Variants in PAPSS2 observed in about 807,000 individuals in gnomAD.
PAPSS2 encodes the protein 3'-phosphoadenosine 5'-phosphosulfate synthase 2, also known as bifunctional 3'-phosphoadenosine 5'-phosphosulfate synthase 2.
PAPSS2 carries 61 observed loss-of-function variants against 66.5 expected under a neutral mutation model. That is an observed-to-expected ratio of 0.92 (90% confidence interval 0.75 to 1.14). The LOEUF is 1.14. Among genes scored for constraint, PAPSS2 ranks in the 50% most tolerant of loss-of-function variants. The probability of loss-of-function intolerance (pLI) is 0.00; values close to 1 mark genes in which losing one functional copy is unlikely to be tolerated. For missense variants in PAPSS2, 708 were observed against 789.6 expected (o/e 0.90, Z 1.24); for synonymous variants, 289 against 287.5 (o/e 1.01, Z -0.05).
chr10:87,729,711 T>C (rs1479749741), intron 9 of PAPSS2, among the ~76,000 whole-genome samples: 4 of 152,146 alleles, frequency 2.6e-5, no homozygotes, highest in South Asian at 4.1e-4. Flanking sequence ...AAAGCTGAAA[T>C]TGGACCCAGG....
chr10:87,727,030 C>T (rs1360479908), intron 8 of PAPSS2, among the ~76,000 whole-genome samples: 3 of 152,208 alleles, frequency 2.0e-5, no homozygotes, highest in South Asian at 4.1e-4. Flanking sequence ...AGTTAGATCA[C>T]TTATGGAGGC....
intron 1 of PAPSS2, among the ~76,000 whole-genome samples, chr10:87,666,868 T>A (rs1852821895): frequency 6.6e-6 from 1 of 152,038 alleles, no homozygotes; most frequent in Admixed American, 6.6e-5. Flanking sequence ...CTCTGGGGGC[T>A]GCTGAAACCC....
intron 9 of PAPSS2, among the ~76,000 whole-genome samples, chr10:87,730,164 GC>G (rs1564726261): frequency 6.6e-6 from 1 of 152,166 alleles, no homozygotes; most frequent in African/African-American, 2.4e-5. Context: ...CTTCCCCTTT[GC>G]CCCCTGAAGT....
At chr10:87,709,094 T>A in intron 1 of PAPSS2, 102 bp from the exon 2 acceptor site, 1 of 744,684 alleles carries the variant, frequency 1.3e-6, no homozygotes, top group South Asian at 1.4e-5. Flanking sequence ...GTTACATGTA[T>A]CAGTTTCGCA....
At chr10:87,706,603 A>C (rs1413165941) in intron 1 of PAPSS2, among the ~76,000 whole-genome samples, 2 of 151,752 alleles carry the variant, frequency 1.3e-5, no homozygotes, top group Admixed American at 1.3e-4. Flanking sequence ...CAAAAAAAAA[A>C]AAAAAATTAA....
chr10:87,661,456 CTAAA>C (rs1431400461), intron 1 of PAPSS2, among the ~76,000 whole-genome samples: 4 of 152,074 alleles, frequency 2.6e-5, no homozygotes, highest in African/African-American at 7.2e-5. Flanking sequence ...CTGTAAAATC[CTAAA>C]TAGTGTCTTC....
intron 7 of PAPSS2, among the ~76,000 whole-genome samples, chr10:87,719,728 T>C (rs1047852203): frequency 2.0e-4 from 30 of 152,264 alleles, no homozygotes; most frequent in African/African-American, 7.2e-4. Flanking sequence ...GTGCCCCCCA[T>C]GTGCCAGGGT....
In PAPSS2 at chr10:87,745,024, G is replaced by C. The variant is rs200426784; in HGVS notation, c.1514G>C (p.Arg505Pro). The change falls in exon 12 of 13, where the codon CGG (arginine) becomes CCG (proline). Residue 505 changes from arginine (R) to proline (P), a missense_variant. Transcript: ENST00000456849. ...PTEVQWHCRS[R>P]MIAGANFYIV... Reference sequence around the variant, plus strand: ...TAGGTCCAGTGGCACTGCAGGTCCCGGATGATTGCGGGTGCCAATTTCTAC... The same window carrying C: ...TAGGTCCAGTGGCACTGCAGGTCCCCGATGATTGCGGGTGCCAATTTCTAC... The C allele has an allele frequency of 6.2e-7, 1 of 1,614,062 alleles. No individual in the cohort carries two copies. Among genetic ancestry groups the C allele is most frequent in the Non-Finnish European group, 8.5e-7 (1 of 1,179,966 alleles).
At chr10:87,672,469 A>C (rs956759386) in intron 1 of PAPSS2, among the ~76,000 whole-genome samples, 2 of 152,014 alleles carry the variant, frequency 1.3e-5, no homozygotes, top group East Asian at 3.9e-4. Flanking sequence ...AAGGTTTTCT[A>C]CCCTTTTTGT....
chr10:87,704,013 A>G (rs1165806978), intron 1 of PAPSS2: 1 of 504,298 alleles, frequency 2.0e-6, no homozygotes, highest in Non-Finnish European at 4.0e-6. Context: ...GCTCTTTGGC[A>G]GAGAGTACAG....
chr10:87,714,839 G>A lies in PAPSS2; in HGVS notation c.615G>A (p.Gln205=). The change falls in exon 5 of 13, where the codon CAG becomes CAA. Residue 205 remains glutamine, a synonymous_variant. Transcript: ENST00000456849. The part of the protein sequence containing the change: ...NLSTVSDCVH[Q]VVELLQEQNI... ...CCACAGTGAGTGACTGTGTCCACCA[G>A]GTAGTGGAACTTCTGCAAGAGCAGG... 1 of 1,609,196 alleles carries A rather than the reference G, an allele frequency of 6.2e-7. No homozygotes were observed. Among genetic ancestry groups the A allele is most frequent in the South Asian group, 1.1e-5 (1 of 90,982 alleles).
intron 9 of PAPSS2, among the ~76,000 whole-genome samples, chr10:87,738,789 A>T (rs1406168401): frequency 6.6e-6 from 1 of 152,182 alleles, no homozygotes; most frequent in Non-Finnish European, 1.5e-5. Context: ...ATAATTAATG[A>T]TGCTGAGCAT....
intron 1 of PAPSS2, among the ~76,000 whole-genome samples, chr10:87,696,001 T>G (rs1043573038): frequency 6.6e-6 from 1 of 152,192 alleles, no homozygotes; most frequent in African/African-American, 2.4e-5. Flanking sequence ...TCCATCCAAA[T>G]CTGGCTTCAC....
At chr10:87,682,692 T>C (rs551427707) in intron 1 of PAPSS2, among the ~76,000 whole-genome samples, 1 of 152,200 alleles carries the variant, frequency 6.6e-6, no homozygotes, top group East Asian at 1.9e-4. Context: ...CTGCTGACAG[T>C]AGATATTAAA....
intron 9 of PAPSS2, among the ~76,000 whole-genome samples, chr10:87,731,328 A>G (rs1853726022): frequency 6.6e-6 from 1 of 152,242 alleles, no homozygotes; most frequent in African/African-American, 2.4e-5. Context: ...CTGCTCAAAA[A>G]AAGATTCATT....
rs200855925 is a variant in PAPSS2, at chr10:87,708,194, T to TA, written c.28-1001dup. Among the ~76,000 whole-genome samples the TA allele has an allele frequency of 5.0e-3, 767 of 152,348 alleles. 18 individuals carry two copies. Among genetic ancestry groups the TA allele is most frequent in the Admixed American group, 0.046 (701 of 15,308 alleles). On this transcript the variant is annotated intron_variant, in intron 1 of 12. Coordinates refer to ENST00000456849, the MANE Select transcript of PAPSS2 (RefSeq NM_001015880.2). ...GTCAGAGTTTAGAATCAGGATCAGA[T>TA]AGTCTCTTACCTCACTAAGCTGATT...
chr10:87,701,425 TCTCTC>T (rs1409960806), intron 1 of PAPSS2, among the ~76,000 whole-genome samples: 1,400 of 130,338 alleles, frequency 0.011, 115 homozygotes, highest in African/African-American at 0.042. Context: ...TCTCTCTCTC[TCTCTC>T]TCTTTCTTTC....
At chr10:87,744,582 TTTG>T (rs1853912958) in intron 11 of PAPSS2, among the ~76,000 whole-genome samples, 1 of 152,228 alleles carries the variant, frequency 6.6e-6, no homozygotes, top group Non-Finnish European at 1.5e-5. Flanking sequence ...GAAATCAGCA[TTTG>T]TGTGTGAAAG....
chr10:87,704,686 G>A (rs1311764509), intron 1 of PAPSS2, among the ~76,000 whole-genome samples: 3 of 152,134 alleles, frequency 2.0e-5, no homozygotes, highest in Non-Finnish European at 1.5e-5. Context: ...CTTTTGCCCA[G>A]GATGGAGTGC....
Sources: gnomAD v4.1 joint callset for allele counts (sites outside exome capture counted in the v4.1 genomes callset) on GRCh38, gnomAD v4.1.1 for gene constraint, MANE v1.5 for transcripts, NCBI Gene and HGNC (gene_info 2026-07-23, HGNC 2026-07-21) for gene names.